The following PITPNM3 variants were observed in gnomAD, a reference collection of about 807,000 sequenced individuals.
The protein encoded by PITPNM3 is membrane-associated phosphatidylinositol transfer protein 3.
PITPNM3 carries 26 observed loss-of-function variants against 102.0 expected under a neutral mutation model. The observed-to-expected ratio is 0.25, with a 90% CI of 0.19 to 0.35. PITPNM3 has a LOEUF of 0.35. Among genes scored for constraint, PITPNM3 ranks in the 10% least tolerant of loss-of-function variants. PITPNM3 has a pLI of 1.00. For missense variants in PITPNM3, 1,083 were observed against 1,346.1 expected, an observed-to-expected ratio of 0.80 and a Z score of 3.06; for synonymous variants, 578 against 558.6, an observed-to-expected ratio of 1.03 and a Z score of -0.49.
chr17:6,464,373 G>C, intron 15 of PITPNM3, 55 bp from the exon 16 acceptor site: 1 of 1,590,058 alleles, frequency 6.3e-7, no homozygotes. Context: ...CTACAGGCTT[G>C]GCAGAGGGGC....
intron 3 of PITPNM3, among the ~76,000 whole-genome samples, chr17:6,512,768 T>G (rs1907941429): frequency 6.6e-6 from 1 of 152,198 alleles, no homozygotes; most frequent in African/African-American, 2.4e-5. Context: ...AGGCAGTGAC[T>G]GCTTCCTTCC....
At position 6,537,932 on chromosome 17, in the gene PITPNM3, T is replaced by A. The variant is rs779284173; in HGVS notation, c.118+55A>T. 19 of 1,467,646 alleles carry A rather than the reference T, an allele frequency of 1.3e-5. No homozygotes were observed. The East Asian group carries it at 4.3e-4, about 34-fold the overall frequency. 90.9% of individuals were successfully genotyped at this position (1,467,646 alleles called of 1,614,324 possible). A position where few individuals can be genotyped will look rare whatever the true frequency, so the allele number is the denominator to read the frequency against. On this transcript the variant is annotated intron_variant, in intron 2 of 19. Transcript: ENST00000262483. The surrounding 1 kb of genome is among the most constrained non-coding windows in gnomAD (Gnocchi z 4.4). ...CGGACCCCCAAATGGGATCTTCTTC[T>A]TGAGGCTTCTAGGAAGGTCACCCAG... is the stretch of plus-strand genomic sequence containing the variant.
Position 6,537,274 on chromosome 17 carries a change from T to TC in PITPNM3, c.118+712dup, listed in dbSNP as rs1375064628. 0.03 allele frequency among the ~76,000 whole-genome samples: 4,390 copies of TC among 146,194 alleles called. 181 individuals carry two copies. The highest frequency in any genetic ancestry group is 0.095 in the African/African-American group (3,601 of 38,026). ...TTTCTTTCTTTTTTTTTTTTTTTTTTCTGAGACAGAGTATCGCTCTGTCTG... is the reference window on the plus strand; with the variant it reads ...TTTCTTTCTTTTTTTTTTTTTTTTTTCCTGAGACAGAGTATCGCTCTGTCTG... On this transcript the variant is annotated intron_variant, in intron 2 of 19. Coordinates refer to ENST00000262483, the MANE Select transcript of PITPNM3 (RefSeq NM_031220.4). This position sits in a 1 kb window ranked among gnomAD's most constrained non-coding sequence, Gnocchi z 4.4.
rs1210351298 is a variant in PITPNM3, at chr17:6,455,166, G to A, written c.*172C>T. 2.4e-6 allele frequency: 2 copies of A among 847,402 alleles called. No individual in the cohort carries two copies. The highest frequency in any genetic ancestry group is 3.4e-6 in the Non-Finnish European group (2 of 583,538). 52.5% of individuals were successfully genotyped at this position (847,402 alleles called of 1,614,324 possible). Reference sequence around the variant, plus strand: ...GGACCTCACCCCGTCGCAGCTCAGGGAGCCCCCCGGGCTCGGGCAGGATCC... The same window carrying A: ...GGACCTCACCCCGTCGCAGCTCAGGAAGCCCCCCGGGCTCGGGCAGGATCC... On this transcript the variant is annotated 3_prime_UTR_variant, in exon 20 of 20. Transcript: ENST00000262483.
chr17:6,532,499 C>T (rs1274340820), intron 2 of PITPNM3, among the ~76,000 whole-genome samples: 3 of 152,118 alleles, frequency 2.0e-5, no homozygotes, highest in Non-Finnish European at 2.9e-5. Context: ...CCTCCCCCAA[C>T]TCCCCATCCC....
At chr17:6,533,836 C>T (rs1909269829) in intron 2 of PITPNM3, among the ~76,000 whole-genome samples, 1 of 152,190 alleles carries the variant, frequency 6.6e-6, no homozygotes, top group South Asian at 2.1e-4. Flanking sequence ...GCTCCATTGG[C>T]TGGGGCAGGA....
intron 2 of PITPNM3, among the ~76,000 whole-genome samples, chr17:6,529,307 T>C (rs981252020): frequency 2.6e-5 from 4 of 152,176 alleles, no homozygotes; most frequent in African/African-American, 9.7e-5. Flanking sequence ...AGAATCTCTT[T>C]GTCTTGGCCA....
At chr17:6,536,196 G>A (rs1176644899) in intron 2 of PITPNM3, among the ~76,000 whole-genome samples, 1 of 152,160 alleles carries the variant, frequency 6.6e-6, no homozygotes, top group Admixed American at 6.5e-5. Context: ...GGAGGGAGAG[G>A]ACAGAGACAA....
At chr17:6,554,549 A>G (rs1910502808) in intron 1 of PITPNM3, among the ~76,000 whole-genome samples, 1 of 152,136 alleles carries the variant, frequency 6.6e-6, no homozygotes, top group African/African-American at 2.4e-5. Context: ...AGAACAGCAC[A>G]AGGCATTGAT....
intron 1 of PITPNM3, among the ~76,000 whole-genome samples, chr17:6,546,701 T>G (rs956739312): frequency 6.6e-6 from 1 of 152,152 alleles, no homozygotes; most frequent in Non-Finnish European, 1.5e-5. Flanking sequence ...TTGAAGGATA[T>G]GTTCACTCTA....
At chr17:6,526,342 A>G (rs1329498619) in intron 2 of PITPNM3, among the ~76,000 whole-genome samples, 1 of 152,184 alleles carries the variant, frequency 6.6e-6, no homozygotes, top group Non-Finnish European at 1.5e-5. Context: ...ACCCTTAGGC[A>G]TGTGTGCTCT....
At chr17:6,491,634 G>A (rs947004650) in intron 4 of PITPNM3, among the ~76,000 whole-genome samples, 10 of 152,038 alleles carry the variant, frequency 6.6e-5, no homozygotes, top group African/African-American at 2.2e-4. Flanking sequence ...CACTGAGCTT[G>A]TTCAGCAGCC....
chr17:6,493,280 A>ATGTC (rs1163678494), intron 4 of PITPNM3, among the ~76,000 whole-genome samples: 1 of 152,204 alleles, frequency 6.6e-6, no homozygotes, highest in African/African-American at 2.4e-5. Flanking sequence ...TGCTGAGGGT[A>ATGTC]TGTCTGATGC....
At chr17:6,526,399 G>C (rs1293282299) in intron 2 of PITPNM3, among the ~76,000 whole-genome samples, 1 of 152,198 alleles carries the variant, frequency 6.6e-6, no homozygotes, top group Non-Finnish European at 1.5e-5. Flanking sequence ...CTGGTGAAGA[G>C]CTTTGTGCCC....
Position 6,461,993 on chromosome 17 carries a change from A to G in PITPNM3, c.2307-437T>C, listed in dbSNP as rs557982556. ...GGCCCCATCTCTCTCCTGGGCCACT[A>G]CAAAAGCCTCCTGGGCGGCCTCTTT... On this transcript the variant is annotated intron_variant, in intron 17 of 19. Coordinates refer to ENST00000262483, the MANE Select transcript of PITPNM3 (RefSeq NM_031220.4). Among the ~76,000 whole-genome samples the G allele has an allele frequency of 1.9e-3, 284 of 151,158 alleles. 2 individuals carry two copies. Among genetic ancestry groups the G allele is most frequent in the African/African-American group, 6.4e-3 (264 of 41,114 alleles).
chr17:6,466,756 G>C (rs1904792424), intron 14 of PITPNM3, among the ~76,000 whole-genome samples: 1 of 152,218 alleles, frequency 6.6e-6, no homozygotes, highest in South Asian at 2.1e-4. Flanking sequence ...CTACCCGAGA[G>C]AAATGAAAAC....
At chr17:6,518,916 A>C (rs922646921) in intron 3 of PITPNM3, among the ~76,000 whole-genome samples, 1 of 152,200 alleles carries the variant, frequency 6.6e-6, no homozygotes, top group African/African-American at 2.4e-5. Flanking sequence ...CCATCACAGC[A>C]CTACAGTCAG....
chr17:6,482,012 C>A (rs868324181), intron 6 of PITPNM3, among the ~76,000 whole-genome samples: 1 of 103,984 alleles, frequency 9.6e-6, no homozygotes, highest in African/African-American at 4.3e-5. Context: ...CTCTCTCTCT[C>A]TCTCTCTCTC....
At position 6,470,338 on chromosome 17, in the gene PITPNM3, G is replaced by A; in HGVS notation, c.1695C>T (p.Phe565=). ...AGAGGTGGGGCAGGGCCACGGTGGG[G>A]AAGGCCGTGAGGACATCAGGGCAGT... ...ALYCPDVLTA[F]PTVALPHLFH... The change falls in exon 13 of 20, where the codon TTC becomes TTT. Residue 565 remains phenylalanine, a synonymous_variant. Coordinates refer to ENST00000262483, the MANE Select transcript of PITPNM3 (RefSeq NM_031220.4). This position sits in a 1 kb window ranked among gnomAD's most constrained non-coding sequence, Gnocchi z 4.8. 7 of 1,614,120 alleles carry A rather than the reference G, an allele frequency of 4.3e-6. No homozygotes were observed. Among genetic ancestry groups the A allele is most frequent in the Non-Finnish European group, 5.9e-6 (7 of 1,180,002 alleles).
Sources: allele counts gnomAD v4.1 joint callset (sites outside exome capture counted in the v4.1 genomes callset), GRCh38; gene constraint gnomAD v4.1.1; non-coding constraint Gnocchi (gnomAD v3.1); transcripts MANE v1.5; gene names NCBI Gene and HGNC (gene_info 2026-07-23, HGNC 2026-07-21).